Variants in LRATD1 observed in about 807,000 individuals in gnomAD.
The protein encoded by LRATD1 is LRAT domain containing 1.
LRATD1 carries 8 observed loss-of-function variants against 21.3 expected under a neutral mutation model. The ratio of observed to expected loss-of-function variants is 0.38; its 90% CI spans 0.22 to 0.68. The LOEUF (loss-of-function observed/expected upper bound fraction) is 0.68, where lower values mean the gene tolerates loss of function less well. Ranked by LOEUF, LRATD1 falls within the 30% of genes least tolerant of loss-of-function variation. LRATD1 has a pLI of 0.54. For synonymous variants in LRATD1, 210 were observed against 186.2 expected, an observed-to-expected ratio of 1.13 and a Z score of -1.04; for missense variants, 380 against 404.0, an observed-to-expected ratio of 0.94 and a Z score of 0.51.
chr2:14,641,720 C>G (rs1201480729), downstream of LRATD1, among the ~76,000 whole-genome samples: 1 of 152,160 alleles, frequency 6.6e-6, no homozygotes, highest in African/African-American at 2.4e-5. Flanking sequence ...ATACTTGGGT[C>G]GCACAGGACT....
chr2:14,640,561 T>C (rs1323199517), downstream of LRATD1, among the ~76,000 whole-genome samples: 1 of 152,238 alleles, frequency 6.6e-6, no homozygotes, highest in Non-Finnish European at 1.5e-5. Flanking sequence ...ATATGTATCC[T>C]AAGGAAATTC....
rs772372339 is a variant in LRATD1 at position 14,635,441 on chromosome 2, C to CT, written c.*584dup. On this transcript the variant is annotated 3_prime_UTR_variant, in exon 2 of 2. Coordinates refer to ENST00000295092, the MANE Select transcript of LRATD1 (RefSeq NM_145175.4). ...TTCGGGATTCCGGGTTATCCTGAGG[C>CT]TGCCCGGGACTTTTCCAGCTCTCCA... 3 of 471,346 alleles carry CT rather than the reference C, an allele frequency of 6.4e-6. No homozygotes were observed. Among genetic ancestry groups the CT allele is most frequent in the Non-Finnish European group, 1.3e-5 (3 of 227,138 alleles). The allele number at this position is 471,346 out of a possible 1,614,324, so 29.2% of individuals were successfully genotyped here. A position where few individuals can be genotyped will look rare whatever the true frequency, so the allele number is the denominator to read the frequency against.
In LRATD1 at chr2:14,635,562, C is replaced by A. The variant is rs1480162573; in HGVS notation, c.*704C>A. The A allele has an allele frequency of 4.2e-6, 2 of 471,156 alleles. No homozygotes were observed. The highest frequency in any genetic ancestry group is 4.7e-5 in the Admixed American group (2 of 42,580). The allele number at this position is 471,156 out of a possible 1,614,324, so 29.2% of individuals were successfully genotyped here. ...CACCGTGGGAAGCGAACGCCACCCC[C>A]ACCCGCCTTTGCCTGCGAGTCTCCC... On this transcript the variant is annotated 3_prime_UTR_variant, in exon 2 of 2. Transcript: ENST00000295092.
intron 4 of LRATD1, chr2:14,649,290 C>A (rs1313434163): frequency 4.4e-6 from 2 of 456,506 alleles, no homozygotes; most frequent in East Asian, 7.0e-5. Context: ...TAAATAAAAA[C>A]ATTGTGTTTT....
rs1671710621 is a variant in LRATD1 at position 14,637,368 on chromosome 2, C to T, written c.*2510C>T. On this transcript the variant is annotated 3_prime_UTR_variant, in exon 2 of 2. Transcript: ENST00000295092. ...TCTGATGGTACATAGATTTCTCTCT[C>T]ACTAAGAGGGTCACTCTCATAGAGG... 6.0e-6 allele frequency: 1 copy of T among 167,002 alleles called. No homozygotes were observed. The highest frequency in any genetic ancestry group is 1.5e-5 in the Non-Finnish European group (1 of 68,112). 10.3% of individuals were successfully genotyped at this position (167,002 alleles called of 1,614,324 possible). A position where few individuals can be genotyped will look rare whatever the true frequency, so the allele number is the denominator to read the frequency against.
rs1472439383 is a variant in LRATD1, at chr2:14,632,925, A to T, written c.-49A>T. ...TAAAGGAGTTTGGGGTTTCGGGAGC[A>T]GGGAAATCACGGGTAGGGAGAAGCG... On this transcript the variant is annotated 5_prime_UTR_variant, in exon 1 of 2. Coordinates refer to ENST00000295092, the MANE Select transcript of LRATD1 (RefSeq NM_145175.4). 3.3e-5 allele frequency: 5 copies of T among 152,616 alleles called. No individual in the cohort carries two copies. The highest frequency in any genetic ancestry group is 1.5e-5 in the Non-Finnish European group (1 of 68,354). 9.5% of individuals were successfully genotyped at this position (152,616 alleles called of 1,614,324 possible).
chr2:14,647,989 G>T (rs1215595549), intron 4 of LRATD1, among the ~76,000 whole-genome samples: 1 of 152,086 alleles, frequency 6.6e-6, no homozygotes, highest in Non-Finnish European at 1.5e-5. Flanking sequence ...TATGTTCACT[G>T]CTTTTAAGGA....
At chr2:14,649,212 G>C (rs1298666227) in intron 4 of LRATD1, 3 of 450,234 alleles carry the variant, frequency 6.7e-6, no homozygotes, top group Admixed American at 4.7e-5. Flanking sequence ...GAGGGGGGAT[G>C]TGGAGAGGAT....
chr2:14,644,171 C>G (rs1671857302), downstream of LRATD1, among the ~76,000 whole-genome samples: 1 of 151,812 alleles, frequency 6.6e-6, no homozygotes, highest in South Asian at 2.1e-4. Flanking sequence ...ACAAAGGAGA[C>G]AGGCCCACTA....
At chr2:14,651,290 A>G (rs1228487359), downstream of LRATD1, among the ~76,000 whole-genome samples, 3 of 152,116 alleles carry the variant, frequency 2.0e-5, no homozygotes, top group East Asian at 1.9e-4. Context: ...ATTTGCTTCT[A>G]TGCATCCATT....
Position 14,634,650 on chromosome 2 carries a change from G to A in LRATD1, c.671G>A (p.Arg224Gln). Residue 224 changes from arginine to glutamine, a missense_variant, in exon 2 of 2, where the codon CGG (arginine) becomes CAG (glutamine). Arg to Gln is a conservative substitution (Grantham distance 43). Coordinates refer to ENST00000295092, the MANE Select transcript of LRATD1 (RefSeq NM_145175.4). The part of the protein sequence containing the change: ...SFAAWCRFGK[R>Q]EFKAGGEVPA... ...GCCGCCTGGTGCCGCTTTGGCAAGC[G>A]GGAGTTCAAGGCGGGAGGGGAGGTG... is the stretch of plus-strand genomic sequence containing the variant. 3 of 1,553,450 alleles carry A rather than the reference G, an allele frequency of 1.9e-6. No homozygotes were observed. Among genetic ancestry groups the A allele is most frequent in the South Asian group, 1.2e-5 (1 of 83,322 alleles).
chr2:14,647,033 G>T (rs1671908143), intron 4 of LRATD1, among the ~76,000 whole-genome samples: 1 of 152,172 alleles, frequency 6.6e-6, no homozygotes, highest in Non-Finnish European at 1.5e-5. Context: ...CCAACTCTTT[G>T]CTTCTTGGAC....
In LRATD1 at chr2:14,634,690, GC is replaced by G; in HGVS notation, c.716del (p.Pro239ArgfsTer173). ...AGGEVPAGTQ[P>X]PQQQYYLKVH... is the part of the protein sequence containing the mutation. ...GAGGGGAGGTGCCGGCAGGCACGCA[GC>G]CCCCGCAGCAGCAGTACTATCTCAA... On this transcript the variant is annotated frameshift_variant, in exon 2 of 2. Coordinates refer to ENST00000295092, the MANE Select transcript of LRATD1 (RefSeq NM_145175.4). LOFTEE classifies it high-confidence loss of function. The G allele has an allele frequency of 6.5e-7, 1 of 1,547,702 alleles. No individual in the cohort carries two copies. Among genetic ancestry groups the G allele is most frequent in the Non-Finnish European group, 8.7e-7 (1 of 1,145,882 alleles).
rs1671727877 is a variant in LRATD1 at position 14,638,109 on chromosome 2, G to A, written c.*3251G>A. On this transcript the variant is annotated 3_prime_UTR_variant, in exon 2 of 2. Coordinates refer to ENST00000295092, the MANE Select transcript of LRATD1 (RefSeq NM_145175.4). ...GTACTTTTACTTCAAAGAGTGCTTT[G>A]CTACATTTTTATTTAAACCAAAAAT... 1 of 164,950 alleles carries A rather than the reference G, an allele frequency of 6.1e-6. No individual in the cohort carries two copies. Among genetic ancestry groups the A allele is most frequent in the Non-Finnish European group, 1.5e-5 (1 of 67,894 alleles). 10.2% of individuals were successfully genotyped at this position (164,950 alleles called of 1,614,324 possible).
In LRATD1 at chr2:14,634,060, C is replaced by G. The variant is rs750822633; in HGVS notation, c.81C>G (p.Asp27Glu). 4.3e-6 allele frequency: 7 copies of G among 1,614,018 alleles called. No individual in the cohort carries two copies. The highest frequency in any genetic ancestry group is 2.2e-5 in the East Asian group (1 of 44,862). Residue 27 changes from aspartate (D) to glutamate (E), a missense_variant, in exon 2 of 2, where the codon GAC becomes GAG. Physicochemically the swap from Asp to Glu is conservative, Grantham distance 45. Coordinates refer to ENST00000295092, the MANE Select transcript of LRATD1 (RefSeq NM_145175.4). ...PTGDPSGIEK[D>E]ELRVGVAYFF... ...GGGACCCGTCGGGGATTGAAAAGGA[C>G]GAACTGCGGGTCGGGGTTGCCTACT...
intron 4 of LRATD1, among the ~76,000 whole-genome samples, chr2:14,647,111 T>C (rs1215739886): frequency 1.3e-5 from 2 of 152,186 alleles, no homozygotes; most frequent in Non-Finnish European, 2.9e-5. Context: ...ACTCACAATG[T>C]TAGGATGAAG....
chr2:14,644,802 C>A (rs560752896), downstream of LRATD1, among the ~76,000 whole-genome samples: 6 of 152,162 alleles, frequency 3.9e-5, no homozygotes, highest in East Asian at 1.2e-3. Flanking sequence ...TAGGCCAGTG[C>A]TGAGGAGCTA....
chr2:14,640,330 A>G (rs1453482248), downstream of LRATD1, among the ~76,000 whole-genome samples: 1 of 152,222 alleles, frequency 6.6e-6, no homozygotes, highest in Non-Finnish European at 1.5e-5. Context: ...TCATTTATAT[A>G]TTAAAATAAT....
In LRATD1 at chr2:14,636,150, A is replaced by C. The variant is rs906504166; in HGVS notation, c.*1292A>C. ...TCTATTTTTCTCAGATATTGTAAGC[A>C]TTCTGTTTTTCAATATTGTAGTTAA... On this transcript the variant is annotated 3_prime_UTR_variant, in exon 2 of 2. Coordinates refer to ENST00000295092, the MANE Select transcript of LRATD1 (RefSeq NM_145175.4). 2 of 174,778 alleles carry C rather than the reference A, an allele frequency of 1.1e-5. No homozygotes were observed. Among genetic ancestry groups the C allele is most frequent in the African/African-American group, 4.8e-5 (2 of 41,426 alleles). 10.8% of individuals were successfully genotyped at this position (174,778 alleles called of 1,614,324 possible).
Sources: gnomAD v4.1 joint callset for allele counts (sites outside exome capture counted in the v4.1 genomes callset) on GRCh38, gnomAD v4.1.1 for gene constraint, MANE v1.5 for transcripts, NCBI Gene and HGNC (gene_info 2026-07-23, HGNC 2026-07-21) for gene names.